The following TLK1 variants were observed in gnomAD, a reference collection of about 807,000 sequenced individuals.
TLK1 encodes tousled like kinase 1, also known as serine/threonine-protein kinase tousled-like 1.
Under a neutral mutation model 105.3 loss-of-function variants are expected in TLK1, and 24 were observed. That is an observed-to-expected ratio of 0.23 (90% CI 0.17 to 0.32). The LOEUF (loss-of-function observed/expected upper bound fraction) is 0.32, where lower values mean the gene tolerates loss of function less well. Ranked by LOEUF, TLK1 falls within the 10% of genes least tolerant of loss-of-function variation. The pLI, the probability that TLK1 is intolerant of heterozygous loss-of-function variation, is 1.00. For missense variants in TLK1, 558 were observed against 910.5 expected (o/e 0.61, Z 4.98); for synonymous variants, 321 against 310.4 (o/e 1.03, Z -0.36).
intron 1 of TLK1, among the ~76,000 whole-genome samples, chr2:171,197,565 G>A (rs917455810): frequency 2.6e-5 from 4 of 152,140 alleles, no homozygotes; most frequent in African/African-American, 9.7e-5. Flanking sequence ...GATCACTTGA[G>A]GTCAGGAGTT....
At chr2:171,056,674 T>C in intron 5 of TLK1, 108 bp from the exon 6 acceptor site, 1 of 836,512 alleles carries the variant, frequency 1.2e-6, no homozygotes, top group Non-Finnish European at 1.8e-6. Flanking sequence ...TTAAAATAAG[T>C]AGTCATTTAA....
intron 1 of TLK1, among the ~76,000 whole-genome samples, chr2:171,127,429 G>C (rs1292510134): frequency 6.6e-6 from 1 of 151,892 alleles, no homozygotes; most frequent in Non-Finnish European, 1.5e-5. Context: ...ACCATATTTA[G>C]CTATAACTTT....
At position 171,097,064 on chromosome 2, in the gene TLK1, C is replaced by T. The variant is rs528153082; in HGVS notation, c.259-14212G>A. On this transcript the variant is annotated intron_variant, in intron 2 of 20. Coordinates refer to ENST00000431350, the MANE Select transcript of TLK1 (RefSeq NM_012290.5). ...CACAAAGCTGGAGGCATCATAGTAC[C>T]TGATTTCAAAATATACTACAAAGTA... Among the ~76,000 whole-genome samples the T allele has an allele frequency of 2.0e-5, 3 of 152,268 alleles. No individual in the cohort carries two copies. The South Asian group carries it at 6.2e-4, about 32-fold the overall frequency.
chr2:171,123,223 G>T (rs959008943), intron 1 of TLK1, among the ~76,000 whole-genome samples: 4 of 152,122 alleles, frequency 2.6e-5, no homozygotes, highest in African/African-American at 4.8e-5. Flanking sequence ...TTGAGACGGA[G>T]TCTTGCTCTG....
At position 171,195,522 on chromosome 2, in the gene TLK1, ACAT is replaced by A. The variant is rs1437826172; in HGVS notation, c.-6+35620_-6+35622del. On this transcript the variant is annotated intron_variant, in intron 1 of 20. Coordinates refer to the TLK1 transcript ENST00000521943. ...GTCTCAAAAAAAAAAAAAAAAAAAA[ACAT>A]AATCCACCATGGATAAGCTCTATAT... 4.9e-5 allele frequency among the ~76,000 whole-genome samples: 7 copies of A among 143,424 alleles called. 1 individual carries two copies. The highest frequency in any genetic ancestry group is 1.6e-4 in the African/African-American group (6 of 36,648). 94.1% of individuals were successfully genotyped at this position (143,424 alleles called of 152,430 possible).
chr2:170,999,178 CTTAAAA>C (rs1199590308), intron 18 of TLK1, among the ~76,000 whole-genome samples: 2 of 152,130 alleles, frequency 1.3e-5, no homozygotes, highest in Non-Finnish European at 2.9e-5. Flanking sequence ...TTTAGATAAA[CTTAAAA>C]TTATCAAAAC....
At chr2:170,995,511 C>T (rs1350893194) in intron 20 of TLK1, among the ~76,000 whole-genome samples, 1 of 152,044 alleles carries the variant, frequency 6.6e-6, no homozygotes, top group African/African-American at 2.4e-5. Context: ...GGCAACTCCA[C>T]TCCTCCTGGT....
At chr2:171,003,273 C>CAAAAAA (rs777049271) in intron 18 of TLK1, among the ~76,000 whole-genome samples, 855 of 68,346 alleles carry the variant, frequency 0.013, 119 homozygotes, top group African/African-American at 0.044. Context: ...GACTCCGTCT[C>CAAAAAA]AAAAAAAAAA....
intron 12 of TLK1, among the ~76,000 whole-genome samples, chr2:171,027,760 A>T (rs1462637516): frequency 1.3e-5 from 2 of 152,234 alleles, no homozygotes. Context: ...AGACCTTGGA[A>T]GTCTGTCCAA....
chr2:171,021,304 T>C (rs748520176), intron 12 of TLK1, among the ~76,000 whole-genome samples: 2 of 152,180 alleles, frequency 1.3e-5, no homozygotes, highest in Non-Finnish European at 2.9e-5. Context: ...TGCTGTATTA[T>C]AGGAGTGAAA....
chr2:171,140,888 T>C (rs778631436), intron 1 of TLK1, among the ~76,000 whole-genome samples: 2 of 152,076 alleles, frequency 1.3e-5, no homozygotes, highest in Non-Finnish European at 2.9e-5. Context: ...TAGTTAACAC[T>C]GAGAACTTTA....
chr2:171,067,948 A>G (rs1688083452), intron 3 of TLK1, among the ~76,000 whole-genome samples: 2 of 152,174 alleles, frequency 1.3e-5, no homozygotes, highest in South Asian at 4.1e-4. Context: ...AAAGGACATG[A>G]ACTCATCCTT....
intron 7 of TLK1, 198 bp from the exon 8 acceptor site, chr2:171,054,051 GA>G (rs1170651696): frequency 2.5e-6 from 1 of 406,714 alleles, no homozygotes; most frequent in East Asian, 4.2e-5. Context: ...GAAACATCTA[GA>G]AAGGCCAATT....
chr2:171,215,125 G>C (rs1693689417), intron 1 of TLK1, among the ~76,000 whole-genome samples: 1 of 152,062 alleles, frequency 6.6e-6, no homozygotes, highest in Non-Finnish European at 1.5e-5. Flanking sequence ...AGTTTTTGTA[G>C]AGGCGGGCAC....
chr2:171,107,673 A>T (rs1689987763), intron 2 of TLK1, among the ~76,000 whole-genome samples: 1 of 152,190 alleles, frequency 6.6e-6, no homozygotes. Flanking sequence ...CTGATAAAAG[A>T]TCTCTAAAGT....
intron 1 of TLK1, among the ~76,000 whole-genome samples, chr2:171,146,152 T>C (rs1691781741): frequency 6.6e-6 from 1 of 152,188 alleles, no homozygotes; most frequent in South Asian, 2.1e-4. Context: ...TTTTAAAGAC[T>C]TATACTCATT....
At chr2:171,125,345 CATA>C (rs1000834780) in intron 1 of TLK1, among the ~76,000 whole-genome samples, 2 of 152,152 alleles carry the variant, frequency 1.3e-5, no homozygotes, top group Admixed American at 6.5e-5. Flanking sequence ...AGTGTCACTT[CATA>C]ATAAGAGCAA....
At chr2:171,155,833 A>C (rs922537167) in intron 1 of TLK1, 1 of 152,134 alleles carries the variant, frequency 6.6e-6, no homozygotes, top group Non-Finnish European at 1.5e-5. Flanking sequence ...ACTGACCTCA[A>C]TGTCTTCCTA....
intron 1 of TLK1, among the ~76,000 whole-genome samples, chr2:171,202,737 A>T: frequency 6.6e-6 from 1 of 152,250 alleles, no homozygotes; most frequent in East Asian, 1.9e-4. Flanking sequence ...AGCCTGAGTG[A>T]CAGAGGAAGA....
Sources: gnomAD v4.1 joint callset for allele counts (sites outside exome capture counted in the v4.1 genomes callset) on GRCh38, gnomAD v4.1.1 for gene constraint, MANE v1.5 for transcripts, NCBI Gene and HGNC (gene_info 2026-07-23, HGNC 2026-07-21) for gene names.